The following PANK4 variants were observed in gnomAD, a reference collection of about 807,000 sequenced individuals.
PANK4 encodes the protein 4'-phosphopantetheine phosphatase.
Under a neutral mutation model 87.9 loss-of-function variants are expected in PANK4, and 40 were observed. The observed-to-expected ratio is 0.46, with a 90% CI of 0.35 to 0.59. The LOEUF is 0.59. Ranked by LOEUF, PANK4 falls within the 20% of genes least tolerant of loss-of-function variation. The probability of loss-of-function intolerance (pLI) is 0.00; values close to 1 mark genes in which losing one functional copy is unlikely to be tolerated. For missense variants in PANK4, 926 were observed against 1,072.3 expected (o/e 0.86, Z 1.90); for synonymous variants, 524 against 467.4 (o/e 1.12, Z -1.56).
In PANK4 at chr1:2,519,571, GA is replaced by G. The variant is rs1246459430; in HGVS notation, c.853+229del. ...TTGAAGGAGGAAAAAACCCAATCAGGAAACTATTTTTTCTTCCAAAACCAAG... is the reference window on the plus strand; with the variant it reads ...TTGAAGGAGGAAAAAACCCAATCAGGAACTATTTTTTCTTCCAAAACCAAG... On this transcript the variant is annotated intron_variant, in intron 6 of 18. Coordinates refer to ENST00000378466, the MANE Select transcript of PANK4 (RefSeq NM_018216.4). The surrounding 1 kb of genome is among the most constrained non-coding windows in gnomAD (Gnocchi z 8.3). Among the ~76,000 whole-genome samples, 8 of 152,230 alleles carry G rather than the reference GA, an allele frequency of 5.3e-5. No homozygotes were observed. Among genetic ancestry groups the G allele is most frequent in the Non-Finnish European group, 8.8e-5 (6 of 68,044 alleles).
In PANK4 at chr1:2,512,877, C is replaced by T. The variant is rs1177542386; in HGVS notation, c.1727+11G>A. The stretch of plus-strand genomic sequence containing the variant: ...GGCTGCAGAGCCTGCTCCGAGCCCG[C>T]AGACACCTACGCAGACACGGCTTTG... On this transcript the variant is annotated intron_variant, in intron 13 of 18. Coordinates refer to ENST00000378466, the MANE Select transcript of PANK4 (RefSeq NM_018216.4). 1.2e-6 allele frequency: 2 copies of T among 1,612,450 alleles called. No homozygotes were observed. The highest frequency in any genetic ancestry group is 2.2e-5 in the East Asian group (1 of 44,864).
At position 2,508,837 on chromosome 1, in the gene PANK4, C is replaced by A; in HGVS notation, c.*10G>T. 1 of 1,512,944 alleles carries A rather than the reference C, an allele frequency of 6.6e-7. No homozygotes were observed. Among genetic ancestry groups the A allele is most frequent in the East Asian group, 2.3e-5 (1 of 43,344 alleles). 93.7% of individuals were successfully genotyped at this position (1,512,944 alleles called of 1,614,324 possible). ...AGTGACAAGCAGAAGAGTCCGGCAG[C>A]TGCAGCGCCTCACTCGGCTGGGACC... On this transcript the variant is annotated 3_prime_UTR_variant, in exon 19 of 19. Coordinates refer to ENST00000378466, the MANE Select transcript of PANK4 (RefSeq NM_018216.4). This position sits in a 1 kb window ranked among gnomAD's most constrained non-coding sequence, Gnocchi z 5.1.
At chr1:2,523,845 C>T (rs375289270) in intron 1 of PANK4, among the ~76,000 whole-genome samples, 1 of 152,374 alleles carries the variant, frequency 6.6e-6, no homozygotes, top group African/African-American at 2.4e-5. Flanking sequence ...AAGGCAGTGA[C>T]AGGAGTGCCT....
At chr1:2,523,611 C>T (rs773257420) in intron 1 of PANK4, among the ~76,000 whole-genome samples, 7 of 152,184 alleles carry the variant, frequency 4.6e-5, no homozygotes, top group Non-Finnish European at 7.3e-5. Flanking sequence ...TTGGTTTCTG[C>T]AAGATACGCA....
chr1:2,511,003 T>C (rs1006639724), intron 15 of PANK4, among the ~76,000 whole-genome samples: 13 of 151,884 alleles, frequency 8.6e-5, no homozygotes, highest in African/African-American at 3.1e-4. Context: ...AGACCGGGAC[T>C]TCAGGACCCC....
rs1643643182 is a variant in PANK4 at position 2,510,516 on chromosome 1, C to G, written c.1938+162G>C. On this transcript the variant is annotated intron_variant, in intron 16 of 18. Transcript: ENST00000378466. The surrounding 1 kb of genome is among the most constrained non-coding windows in gnomAD (Gnocchi z 4.9). ...CCCAGGGGGCTCGGAGCCTCCACCC[C>G]AGCAGATGACGGCTCTGGGCCGCCT... 3.1e-6 allele frequency: 2 copies of G among 641,662 alleles called. No homozygotes were observed. Among genetic ancestry groups the G allele is most frequent in the Admixed American group, 2.6e-5 (1 of 38,048 alleles). 39.7% of individuals were successfully genotyped at this position (641,662 alleles called of 1,614,324 possible). A position where few individuals can be genotyped will look rare whatever the true frequency, so the allele number is the denominator to read the frequency against.
Position 2,519,958 on chromosome 1 carries a change from C to A in PANK4, c.700-4G>T, listed in dbSNP as rs376062266. Reference sequence around the variant, plus strand: ...GGTGCAGGAGCTCGTCAAACTTCTGCAGGACACGGCGAGGGGGCGGGTGAG... The same window carrying A: ...GGTGCAGGAGCTCGTCAAACTTCTGAAGGACACGGCGAGGGGGCGGGTGAG... On this transcript the variant is annotated splice_region_variant and splice_polypyrimidine_tract_variant and intron_variant, in intron 5 of 18. Transcript: ENST00000378466. The surrounding 1 kb of genome is among the most constrained non-coding windows in gnomAD (Gnocchi z 8.3). 4.5e-6 allele frequency: 7 copies of A among 1,547,706 alleles called. No individual in the cohort carries two copies. The highest frequency in any genetic ancestry group is 5.3e-6 in the Non-Finnish European group (6 of 1,142,604).
At chr1:2,514,693 G>A (rs1643734702) in intron 10 of PANK4, among the ~76,000 whole-genome samples, 1 of 143,408 alleles carries the variant, frequency 7.0e-6, no homozygotes, top group African/African-American at 2.6e-5. Context: ...GGCAGGGTCA[G>A]GGCCTGCTGT....
chr1:2,523,020 G>C (rs974473870), intron 1 of PANK4, among the ~76,000 whole-genome samples: 1 of 151,986 alleles, frequency 6.6e-6, no homozygotes, highest in African/African-American at 2.4e-5. Context: ...ATTTCTTACA[G>C]GGCCTGACAA....
In PANK4 at chr1:2,518,284, G is replaced by A. The variant is rs754143480; in HGVS notation, c.1118-20C>T. On this transcript the variant is annotated intron_variant, in intron 8 of 18. Transcript: ENST00000378466. Reference sequence around the variant, plus strand: ...TAGGATCTGGAAAGCAAGAAGCCAGGTCACTTGTGTTAACCTTGCCCTTGA... The same window carrying A: ...TAGGATCTGGAAAGCAAGAAGCCAGATCACTTGTGTTAACCTTGCCCTTGA... The A allele has an allele frequency of 6.4e-7, 1 of 1,553,330 alleles. No homozygotes were observed. The highest frequency in any genetic ancestry group is 1.1e-5 in the South Asian group (1 of 89,052).
rs572837612 is a variant in PANK4 at position 2,516,004 on chromosome 1, T to C, written c.1219-287A>G. On this transcript the variant is annotated intron_variant, in intron 9 of 18. Coordinates refer to ENST00000378466, the MANE Select transcript of PANK4 (RefSeq NM_018216.4). ...GCAGCCACACCTCCCCAATCACCGC[T>C]GCAGTCACCCTCCCATCACCCCTCC... The C allele has an allele frequency of 2.9e-5, 15 of 515,532 alleles. No homozygotes were observed. In the East Asian group the frequency reaches 4.5e-4, roughly 15 times the overall value. 31.9% of individuals were successfully genotyped at this position (515,532 alleles called of 1,614,324 possible).
rs1643687949 is a variant in PANK4 at position 2,512,934 on chromosome 1, G to A, written c.1681C>T (p.Leu561Phe). 6.8e-6 allele frequency: 11 copies of A among 1,612,710 alleles called. No homozygotes were observed. The South Asian group carries it at 1.1e-4, about 16-fold the overall frequency. Residue 561 changes from leucine (L) to phenylalanine (F), a missense_variant, in exon 13 of 19, where the codon CTC becomes TTC. Physicochemically the swap from Leu to Phe is conservative, Grantham distance 22 (BLOSUM62 0). Transcript: ENST00000378466. ...CAGTCGAAGACATTCCCCGCCAGGA[G>A]GCCTTTCACCAGCGCCAGCTGCCGT... is the stretch of plus-strand genomic sequence containing the variant. ...EERQLALVKGLLAGNVFDWGA... is the reference protein window; with the variant it reads ...EERQLALVKGFLAGNVFDWGA...
chr1:2,523,884 C>G (rs904868985), intron 1 of PANK4, among the ~76,000 whole-genome samples: 2 of 152,230 alleles, frequency 1.3e-5, no homozygotes, highest in African/African-American at 2.4e-5. Context: ...TGCCCGCGCT[C>G]GGCCCTGAGG....
At position 2,526,554 on chromosome 1, in the gene PANK4, T is replaced by G; in HGVS notation, c.34A>C (p.Ser12Arg). ...AECGASGSGS[S>R]GDSLDKSITL... ...ATGCTCTTGTCCAGACTGTCCCCGC[T>G]GCTCCCGCTGCCGCTCGCTCCACAC... is the stretch of plus-strand genomic sequence containing the variant. The change falls in exon 1 of 19, where the codon AGC (serine) becomes CGC (arginine). Residue 12 changes from serine (S) to arginine (R), a missense_variant. Ser to Arg is a moderately radical substitution (Grantham distance 110, BLOSUM62 -1). Transcript: ENST00000378466. 6.2e-7 allele frequency: 1 copy of G among 1,603,064 alleles called. No homozygotes were observed.
rs1643658095 is a variant in PANK4, at chr1:2,511,380, G to A, written c.1791C>T (p.Pro597=). Reference sequence around the variant, plus strand: ...ACTCGCTGTAGGAATCCACGAGCCAGGGTCTTTCTGAGACAGAGAGAGGGA... The same window carrying A: ...ACTCGCTGTAGGAATCCACGAGCCAAGGTCTTTCTGAGACAGAGAGAGGGA... ...EEAKRKLQER[P]WLVDSYSEWL... The change falls in exon 15 of 19, where the codon CCC becomes CCT. Residue 597 remains proline, a synonymous_variant. Coordinates refer to ENST00000378466, the MANE Select transcript of PANK4 (RefSeq NM_018216.4). The A allele has an allele frequency of 3.7e-6, 6 of 1,610,066 alleles. No individual in the cohort carries two copies. The highest frequency in any genetic ancestry group is 3.3e-5 in the Admixed American group (2 of 59,992).
intron 12 of PANK4, 30 bp from the exon 13 acceptor site, chr1:2,513,069 G>A (rs918116735): frequency 4.5e-6 from 7 of 1,563,644 alleles, no homozygotes; most frequent in African/African-American, 2.7e-5. Context: ...CCAGGCCTGA[G>A]TGAAGACGTG....
chr1:2,520,562 C>A lies in PANK4; in HGVS notation c.607-148G>T, dbSNP rs972536322. 1 of 914,662 alleles carries A rather than the reference C, an allele frequency of 1.1e-6. No homozygotes were observed. Among genetic ancestry groups the A allele is most frequent in the Non-Finnish European group, 1.6e-6 (1 of 615,474 alleles). 56.7% of individuals were successfully genotyped at this position (914,662 alleles called of 1,614,324 possible). A position where few individuals can be genotyped will look rare whatever the true frequency, so the allele number is the denominator to read the frequency against. On this transcript the variant is annotated intron_variant, in intron 4 of 18. Transcript: ENST00000378466. The surrounding 1 kb of genome is among the most constrained non-coding windows in gnomAD (Gnocchi z 6.2). ...ACTCTCATGGCCAAGCCTGGGGGCG[C>A]TGATGCCCCTCCCACAGAGGCTCTG... is the stretch of plus-strand genomic sequence containing the variant.
At chr1:2,522,649 A>G (rs1467972096) in intron 1 of PANK4, among the ~76,000 whole-genome samples, 3 of 150,564 alleles carry the variant, frequency 2.0e-5, no homozygotes, top group African/African-American at 7.3e-5. Context: ...ATGAATGACA[A>G]ATAGAAAAAG....
At chr1:2,523,491 G>C (rs2494624) in intron 1 of PANK4, among the ~76,000 whole-genome samples, 57,046 of 152,064 alleles carry the variant, frequency 0.38, 13,467 homozygotes, top group African/African-American at 0.66. Context: ...TCAAAAGTCA[G>C]TATAAACAAA....
Sources: allele counts gnomAD v4.1 joint callset (sites outside exome capture counted in the v4.1 genomes callset), GRCh38; gene constraint gnomAD v4.1.1; non-coding constraint Gnocchi (gnomAD v3.1); transcripts MANE v1.5; gene names NCBI Gene and HGNC (gene_info 2026-07-23, HGNC 2026-07-21).